The following ZNF385B variants were observed in gnomAD, a reference collection of about 807,000 sequenced individuals.
ZNF385B encodes zinc finger protein 385B.
In ZNF385B, 23 loss-of-function variants were observed where a neutral mutation model predicts 39.2. The observed-to-expected ratio is 0.59, with a 90% CI of 0.42 to 0.83. The LOEUF is 0.83. Ranked by LOEUF, ZNF385B falls within the 40% of genes least tolerant of loss-of-function variation. The pLI, the probability that ZNF385B is intolerant of heterozygous loss-of-function variation, is 0.00. For synonymous variants in ZNF385B, 205 were observed against 222.6 expected (o/e 0.92, Z 0.70); for missense variants, 552 against 598.9 (o/e 0.92, Z 0.82).
chr2:179,768,563 C>T (rs543361936), intron 3 of ZNF385B, among the ~76,000 whole-genome samples: 31 of 152,316 alleles, frequency 2.0e-4, no homozygotes, highest in Non-Finnish European at 2.9e-4. Context: ...TCTGTATCAT[C>T]TCACTTCAAG....
intron 3 of ZNF385B, among the ~76,000 whole-genome samples, chr2:179,721,779 T>C (rs1221367541): frequency 6.6e-6 from 1 of 152,042 alleles, no homozygotes; most frequent in African/African-American, 2.4e-5. Flanking sequence ...TTGAAAGTAT[T>C]CCCTATAAAG....
chr2:179,551,820 C>T (rs1432109969), intron 3 of ZNF385B, among the ~76,000 whole-genome samples: 1 of 152,054 alleles, frequency 6.6e-6, no homozygotes, highest in Non-Finnish European at 1.5e-5. Flanking sequence ...CTCACAACAG[C>T]ATCGAGAGTC....
intron 1 of ZNF385B, among the ~76,000 whole-genome samples, chr2:179,806,906 C>T (rs1038049952): frequency 3.9e-5 from 6 of 152,084 alleles, no homozygotes; most frequent in African/African-American, 9.7e-5. Flanking sequence ...ATATACAGAA[C>T]GACAGAACAT....
At chr2:179,671,552 T>G (rs1176847803) in intron 3 of ZNF385B, among the ~76,000 whole-genome samples, 1 of 152,128 alleles carries the variant, frequency 6.6e-6, no homozygotes, top group Non-Finnish European at 1.5e-5. Flanking sequence ...TCCAAGATGC[T>G]AAAACAAATG....
At chr2:179,482,212 T>A (rs921395722) in intron 6 of ZNF385B, among the ~76,000 whole-genome samples, 2 of 152,228 alleles carry the variant, frequency 1.3e-5, no homozygotes, top group Non-Finnish European at 2.9e-5. Flanking sequence ...CTTACAGTAA[T>A]GGATTTGATC....
At chr2:179,610,218 A>G (rs1689173366) in intron 3 of ZNF385B, among the ~76,000 whole-genome samples, 1 of 151,994 alleles carries the variant, frequency 6.6e-6, no homozygotes, top group African/African-American at 2.4e-5. Flanking sequence ...ATTCATTTTG[A>G]TTTTATTTTT....
At chr2:179,526,243 G>GA (rs56275832) in intron 4 of ZNF385B, among the ~76,000 whole-genome samples, 89,006 of 151,306 alleles carry the variant, frequency 0.59, 28,284 homozygotes, top group Non-Finnish European at 0.7. Context: ...TGCCCAGGCT[G>GA]GAACTATAGA....
intron 3 of ZNF385B, among the ~76,000 whole-genome samples, chr2:179,591,830 T>C (rs1687592336): frequency 6.6e-6 from 1 of 152,158 alleles, no homozygotes; most frequent in Non-Finnish European, 1.5e-5. Flanking sequence ...GAGCTGTAGG[T>C]TGAATCTTGA....
intron 3 of ZNF385B, among the ~76,000 whole-genome samples, chr2:179,549,993 T>G (rs1460416126): frequency 2.7e-5 from 4 of 149,512 alleles, no homozygotes; most frequent in Non-Finnish European, 5.9e-5. Flanking sequence ...TTAACTTCAG[T>G]GCTTGTAGAT....
At chr2:179,845,656 C>G (rs1444979927) in intron 1 of ZNF385B, among the ~76,000 whole-genome samples, 1 of 152,140 alleles carries the variant, frequency 6.6e-6, no homozygotes, top group Non-Finnish European at 1.5e-5. Flanking sequence ...CTTGTATATG[C>G]AAAGCAACAT....
At chr2:179,469,904 T>C (rs2052542294) in intron 6 of ZNF385B, among the ~76,000 whole-genome samples, 1 of 152,232 alleles carries the variant, frequency 6.6e-6, no homozygotes, top group Non-Finnish European at 1.5e-5. Context: ...TGTGGGTGAC[T>C]GGATTAGGCA....
chr2:179,480,522 A>T (rs1403264847), intron 6 of ZNF385B, among the ~76,000 whole-genome samples: 2 of 152,214 alleles, frequency 1.3e-5, no homozygotes, highest in Non-Finnish European at 2.9e-5. Context: ...ATTTAGAAAC[A>T]GGCAATTAAC....
chr2:179,737,447 A>G lies in ZNF385B; in HGVS notation c.298+32056T>C, dbSNP rs112618186. Among the ~76,000 whole-genome samples the G allele has an allele frequency of 8.4e-3, 1,278 of 151,962 alleles. 22 individuals carry two copies. Among genetic ancestry groups the G allele is most frequent in the African/African-American group, 0.029 (1,220 of 41,420 alleles). On this transcript the variant is annotated intron_variant, in intron 3 of 9. Transcript: ENST00000410066. The stretch of plus-strand genomic sequence containing the variant: ...TTTATGTGGCCCCCACCTACTCAAA[A>G]CCTCACATGTTGTGCCATCTAACTT...
intron 1 of ZNF385B, among the ~76,000 whole-genome samples, chr2:179,773,065 G>C (rs997720473): frequency 6.6e-6 from 1 of 152,170 alleles, no homozygotes; most frequent in African/African-American, 2.4e-5. Flanking sequence ...ATTTCCACAG[G>C]AGTGATTTTA....
chr2:179,522,780 A>G (rs1033744756), intron 4 of ZNF385B: 6 of 278,042 alleles, frequency 2.2e-5, no homozygotes, highest in Non-Finnish European at 4.6e-5. Context: ...AAAGCTGTCT[A>G]TGGATTGAGA....
At chr2:179,841,876 G>A (rs2106616073) in intron 1 of ZNF385B, among the ~76,000 whole-genome samples, 1 of 152,224 alleles carries the variant, frequency 6.6e-6, no homozygotes, top group Admixed American at 6.5e-5. Flanking sequence ...ACACCCCAAT[G>A]GCAATGGACG....
chr2:179,729,390 A>G (rs1464919475), intron 3 of ZNF385B, among the ~76,000 whole-genome samples: 1 of 152,156 alleles, frequency 6.6e-6, no homozygotes, highest in Non-Finnish European at 1.5e-5. Flanking sequence ...TGAGTGCAAA[A>G]TGGTGTTAGA....
intron 3 of ZNF385B, among the ~76,000 whole-genome samples, chr2:179,611,221 A>G (rs965997311): frequency 3.9e-5 from 6 of 152,080 alleles, no homozygotes; most frequent in African/African-American, 7.2e-5. Flanking sequence ...CTCTTTTCAT[A>G]TCCAGTTTTT....
intron 3 of ZNF385B, among the ~76,000 whole-genome samples, chr2:179,571,219 A>G (rs912792811): frequency 6.6e-6 from 1 of 152,202 alleles, no homozygotes; most frequent in East Asian, 1.9e-4. Context: ...TGCTCCAAAC[A>G]TCTTTTTATG....
Sources: gnomAD v4.1 joint callset for allele counts (sites outside exome capture counted in the v4.1 genomes callset) on GRCh38, gnomAD v4.1.1 for gene constraint, MANE v1.5 for transcripts, NCBI Gene and HGNC (gene_info 2026-07-23, HGNC 2026-07-21) for gene names.